STRN3: variants seen among roughly 807,000 people sequenced by gnomAD.
STRN3 encodes striatin-3.
In STRN3, 29 loss-of-function variants were observed where a neutral mutation model predicts 95.6. The observed-to-expected ratio is 0.30, with a 90% confidence interval of 0.23 to 0.41. The LOEUF is 0.41. Ranked by LOEUF, STRN3 falls within the 10% of genes least tolerant of loss-of-function variation. STRN3 has a pLI of 1.00. For synonymous variants in STRN3, 331 were observed against 357.6 expected (o/e 0.93, Z 0.84); for missense variants, 890 against 972.1 (o/e 0.92, Z 1.12).
intron 2 of STRN3, 59 bp downstream of exon 2, chr14:30,956,080 G>C (rs924413091): frequency 7.0e-7 from 1 of 1,432,216 alleles, no homozygotes; most frequent in Admixed American, 1.7e-5. Context: ...GAGTACAATG[G>C]TATACATGAG....
chr14:30,951,294 G>A (rs148889675), intron 3 of STRN3, among the ~76,000 whole-genome samples: 3,169 of 152,030 alleles, frequency 0.021, 54 homozygotes, highest in Non-Finnish European at 0.032. Flanking sequence ...GGAGTACAGT[G>A]GCACCATCTC....
At chr14:30,903,237 C>T (rs1487684804) in intron 15 of STRN3, among the ~76,000 whole-genome samples, 2 of 151,864 alleles carry the variant, frequency 1.3e-5, no homozygotes, top group Admixed American at 1.3e-4. Context: ...TATCGCAACT[C>T]ATATATTACA....
chr14:31,024,996 A>G (rs1455969778), intron 1 of STRN3: 1 of 152,276 alleles, frequency 6.6e-6, no homozygotes, highest in Non-Finnish European at 1.5e-5. Context: ...GGTTCACATT[A>G]TGAGGATCGA....
At chr14:30,931,319 C>CT (rs1336100077) in intron 7 of STRN3, among the ~76,000 whole-genome samples, 3 of 151,918 alleles carry the variant, frequency 2.0e-5, no homozygotes, top group East Asian at 1.9e-4. Context: ...CATATTAATC[C>CT]TTTTTTTAAA....
intron 1 of STRN3, among the ~76,000 whole-genome samples, chr14:31,009,218 A>G (rs1882853662): frequency 6.6e-6 from 1 of 152,172 alleles, no homozygotes; most frequent in African/African-American, 2.4e-5. Context: ...GGTACTAGAC[A>G]TGAAAGGATA....
intron 1 of STRN3, among the ~76,000 whole-genome samples, chr14:31,023,139 A>G (rs1724207747): frequency 6.6e-6 from 1 of 152,216 alleles, no homozygotes; most frequent in African/African-American, 2.4e-5. Context: ...AACAGGCACT[A>G]CTGTGAAGAA....
intron 1 of STRN3, 28 bp downstream of exon 1, chr14:31,025,876 C>A: frequency 1.3e-6 from 2 of 1,587,804 alleles, no homozygotes; most frequent in Non-Finnish European, 1.7e-6. Context: ...GCCGCCGCAG[C>A]TCCCGCACAC....
chr14:30,954,743 A>C (rs1265469080), intron 3 of STRN3, among the ~76,000 whole-genome samples: 3 of 152,162 alleles, frequency 2.0e-5, no homozygotes, highest in Admixed American at 6.5e-5. Context: ...TGCTTTATAC[A>C]AACTGTTATA....
intron 3 of STRN3, among the ~76,000 whole-genome samples, chr14:30,953,404 A>G (rs1213839528): frequency 6.6e-6 from 1 of 152,196 alleles, no homozygotes; most frequent in African/African-American, 2.4e-5. Flanking sequence ...ATGTGATTAA[A>G]CCATGTTGTC....
At chr14:30,999,159 T>A (rs971834859) in intron 1 of STRN3, among the ~76,000 whole-genome samples, 1 of 152,150 alleles carries the variant, frequency 6.6e-6, no homozygotes, top group African/African-American at 2.4e-5. Flanking sequence ...TTCTCCCACA[T>A]CAGCCTCCTG....
intron 16 of STRN3, among the ~76,000 whole-genome samples, chr14:30,902,194 AAAAAAAAAAAAAAAT>A (rs1253746246): frequency 7.7e-5 from 11 of 143,478 alleles, no homozygotes; most frequent in South Asian, 2.2e-4. Flanking sequence ...AAAAAAAAAA[AAAAAAAAAAAAAAAT>A]GGAAATGCCA....
intron 7 of STRN3, among the ~76,000 whole-genome samples, chr14:30,930,606 C>T (rs1218732616): frequency 6.6e-6 from 1 of 152,120 alleles, no homozygotes; most frequent in African/African-American, 2.4e-5. Flanking sequence ...ACTTGAATCA[C>T]TTGAAACTAG....
chr14:30,905,785 A>G (rs1428316445), intron 14 of STRN3, among the ~76,000 whole-genome samples: 3 of 152,234 alleles, frequency 2.0e-5, no homozygotes, highest in African/African-American at 4.8e-5. Context: ...TAAGAAAAAT[A>G]TAACTACAGA....
At chr14:30,976,181 G>A (rs1466715166) in intron 1 of STRN3, among the ~76,000 whole-genome samples, 1 of 152,150 alleles carries the variant, frequency 6.6e-6, no homozygotes, top group Non-Finnish European at 1.5e-5. Flanking sequence ...TTTTATTTAA[G>A]TATACACACA....
In STRN3 at chr14:30,912,123, G is replaced by C; in HGVS notation, c.1434C>G (p.Ser478Arg). 6.2e-7 allele frequency: 1 copy of C among 1,614,072 alleles called. No individual in the cohort carries two copies. The highest frequency in any genetic ancestry group is 8.5e-7 in the Non-Finnish European group (1 of 1,179,990). ...KTWNPKYTLR[S>R]HFDGVRALAF... is the part of the protein sequence containing the mutation. ...CTAATGCCCGTACTCCATCAAAATG[G>C]CTACGTAGTGTATACTTGGGATTCC... The change falls in exon 11 of 18, where the codon AGC becomes AGG. Residue 478 changes from serine (S) to arginine (R), a missense_variant. Physicochemically the swap from Ser to Arg is moderately radical, Grantham distance 110. Transcript: ENST00000357479.
intron 1 of STRN3, among the ~76,000 whole-genome samples, chr14:30,988,474 G>A (rs1881799383): frequency 1.3e-5 from 2 of 152,058 alleles, no homozygotes; most frequent in African/African-American, 4.8e-5. Context: ...ACAATACAAA[G>A]TAGAAATCTG....
chr14:30,992,478 T>C lies in STRN3; in HGVS notation c.282+33426A>G, dbSNP rs561384151. 1.2e-4 allele frequency among the ~76,000 whole-genome samples: 18 copies of C among 145,824 alleles called. No homozygotes were observed. The South Asian group carries it at 4.0e-3, about 32-fold the overall frequency. On this transcript the variant is annotated intron_variant, in intron 1 of 17. Coordinates refer to ENST00000357479, the MANE Select transcript of STRN3 (RefSeq NM_001083893.2). ...CTGTTGCCCAGGCTGGTCTCAAACT[T>C]CTAGGATCAACTGATCCACCAGCCT...
rs1440002186 is a variant in STRN3, at chr14:30,895,221, A to T, written c.*190T>A. 3.2e-6 allele frequency: 2 copies of T among 621,184 alleles called. No homozygotes were observed. Among genetic ancestry groups the T allele is most frequent in the African/African-American group, 3.7e-5 (2 of 54,642 alleles). The allele number at this position is 621,184 out of a possible 1,614,324, so 38.5% of individuals were successfully genotyped here. On this transcript the variant is annotated 3_prime_UTR_variant, in exon 18 of 18. Coordinates refer to ENST00000357479, the MANE Select transcript of STRN3 (RefSeq NM_001083893.2). Reference sequence around the variant, plus strand: ...GGAGTCCTTTTTTCTTTGTCCCACAAAATACAGTAATTACAGTTAACTTAA... The same window carrying T: ...GGAGTCCTTTTTTCTTTGTCCCACATAATACAGTAATTACAGTTAACTTAA...
At chr14:30,937,040 G>A (rs1233555621) in intron 5 of STRN3, among the ~76,000 whole-genome samples, 1 of 152,146 alleles carries the variant, frequency 6.6e-6, no homozygotes, top group Non-Finnish European at 1.5e-5. Context: ...ATCAGGCGGG[G>A]CCAGGGACAG....
Sources: gnomAD v4.1 joint callset for allele counts (sites outside exome capture counted in the v4.1 genomes callset) on GRCh38, gnomAD v4.1.1 for gene constraint, MANE v1.5 for transcripts, NCBI Gene and HGNC (gene_info 2026-07-23, HGNC 2026-07-21) for gene names.